Variants in CNNM3 observed in about 807,000 individuals in gnomAD.
CNNM3 encodes cyclin and CBS domain divalent metal cation transport mediator 3.
A neutral mutation model predicts 57.1 loss-of-function variants in CNNM3; 47 were observed. The ratio of observed to expected loss-of-function variants is 0.82; its 90% CI spans 0.65 to 1.05. The LOEUF is 1.05. CNNM3 is among the 50% of genes least tolerant of loss of function. The probability of loss-of-function intolerance (pLI) is 0.00; values close to 1 mark genes in which losing one functional copy is unlikely to be tolerated. For synonymous variants in CNNM3, 507 were observed against 478.2 expected (o/e 1.06, Z -0.79); for missense variants, 957 against 973.7 (o/e 0.98, Z 0.23).
intron 5 of CNNM3, 95 bp from the exon 6 acceptor site, chr2:96,828,472 G>A (rs543448594): frequency 6.0e-4 from 870 of 1,459,486 alleles, no homozygotes; most frequent in Non-Finnish European, 7.2e-4. Flanking sequence ...TGATTGGTGG[G>A]GTGGGTCTTC....
chr2:96,829,219 C>G (rs1222273710), intron 7 of CNNM3, 85 bp downstream of exon 7: 30 of 1,456,308 alleles, frequency 2.1e-5, no homozygotes, highest in Non-Finnish European at 2.7e-5. Context: ...CTCGCCGCCC[C>G]CCCACCCTCT....
Position 96,834,076 on chromosome 2 carries a change from C to G in CNNM3, c.*1460C>G, listed in dbSNP as rs867608116. 6.6e-6 allele frequency among the ~76,000 whole-genome samples: 1 copy of G among 152,112 alleles called. No individual in the cohort carries two copies. The highest frequency in any genetic ancestry group is 2.4e-5 in the African/African-American group (1 of 41,414). The stretch of plus-strand genomic sequence containing the variant: ...GGGATTACAGGTGCCCACCACCACA[C>G]CCGGCTAATTTTTGTATTTTTAGTA... On this transcript the variant is annotated 3_prime_UTR_variant, in exon 8 of 8. Transcript: ENST00000305510.
rs763726101 is a variant in CNNM3, at chr2:96,832,560, C to T, written c.2068C>T (p.His690Tyr). ...TCCCTTGTCTCCTGTAGGGTCCAGC[C>T]ACAGCAGGCCCGGCGTCCCGGTGGA... ...EKTTTAAGSS[H>Y]SRPGVPVEGS... The change falls in exon 8 of 8, where the codon CAC (histidine) becomes TAC (tyrosine). Residue 690 changes from histidine to tyrosine, a missense_variant. Physicochemically the swap from His to Tyr is moderately conservative, Grantham distance 83. Transcript: ENST00000305510. The T allele has an allele frequency of 1.2e-6, 2 of 1,614,224 alleles. No individual in the cohort carries two copies. The highest frequency in any genetic ancestry group is 1.1e-5 in the South Asian group (1 of 91,082).
At chr2:96,829,682 A>G (rs1460773717) in intron 7 of CNNM3, among the ~76,000 whole-genome samples, 3 of 151,632 alleles carry the variant, frequency 2.0e-5, no homozygotes, top group Non-Finnish European at 2.9e-5. Flanking sequence ...ACACCAAACT[A>G]TAGACTAACT....
Position 96,828,300 on chromosome 2 carries a change from CTG to C in CNNM3, c.1786+106_1786+107del, listed in dbSNP as rs1045624269. The C allele has an allele frequency of 7.2e-6, 7 of 971,936 alleles. No homozygotes were observed. The African/African-American group carries it at 8.2e-5, about 11-fold the overall frequency. The allele number at this position is 971,936 out of a possible 1,614,324, so 60.2% of individuals were successfully genotyped here. A position where few individuals can be genotyped will look rare whatever the true frequency, so the allele number is the denominator to read the frequency against. ...TGCCCCTCCTCACCTCTCCTTCCACCTGAGCCCACCACCCCACAAGGTGGTGT... is the reference window on the plus strand; with the variant it reads ...TGCCCCTCCTCACCTCTCCTTCCACCAGCCCACCACCCCACAAGGTGGTGT... On this transcript the variant is annotated intron_variant, in intron 5 of 7. Coordinates refer to ENST00000305510, the MANE Select transcript of CNNM3 (RefSeq NM_017623.5).
intron 1 of CNNM3, among the ~76,000 whole-genome samples, chr2:96,822,161 C>G (rs1290461595): frequency 6.6e-6 from 1 of 151,906 alleles, no homozygotes; most frequent in Admixed American, 6.6e-5. Flanking sequence ...CACCACCACG[C>G]CCAGCTAACT....
Position 96,816,442 on chromosome 2 carries a change from G to A in CNNM3, c.165G>A (p.Arg55=), listed in dbSNP as rs2079317915. 1 of 1,426,800 alleles carries A rather than the reference G, an allele frequency of 7.0e-7. No homozygotes were observed. Among genetic ancestry groups the A allele is most frequent in the South Asian group, 1.5e-5 (1 of 67,868 alleles). The allele number at this position is 1,426,800 out of a possible 1,614,324, so 88.4% of individuals were successfully genotyped here. Residue 55 remains arginine, a synonymous_variant, in exon 1 of 8, where the codon CGG becomes CGA. Coordinates refer to ENST00000305510, the MANE Select transcript of CNNM3 (RefSeq NM_017623.5). ...GTTGGGTACGCGGAGGGGCGGCGCG[G>A]GACACGCCGGACGCCACCTTCCTCC... The part of the protein sequence containing the change: ...GAGWVRGGAA[R]DTPDATFLLR...
intron 1 of CNNM3, among the ~76,000 whole-genome samples, chr2:96,819,741 C>T (rs997962757): frequency 2.0e-5 from 3 of 152,134 alleles, no homozygotes; most frequent in Non-Finnish European, 2.9e-5. Flanking sequence ...TGAGCAGTCA[C>T]CAAGCAGAGA....
At chr2:96,828,017 G>C in intron 4 of CNNM3, 82 bp from the exon 5 acceptor site, 2 of 1,566,388 alleles carry the variant, frequency 1.3e-6, no homozygotes, top group Non-Finnish European at 1.8e-6. Context: ...AACAATTGAG[G>C]TGGTGGGTTT....
chr2:96,819,959 T>G (rs1177033482), intron 1 of CNNM3, among the ~76,000 whole-genome samples: 3 of 152,054 alleles, frequency 2.0e-5, no homozygotes, highest in Admixed American at 2.0e-4. Flanking sequence ...TGGGGAAGAA[T>G]AAAAAATGTT....
Position 96,827,712 on chromosome 2 carries a change from T to G in CNNM3, c.1520-19T>G. The G allele has an allele frequency of 6.2e-7, 1 of 1,603,678 alleles. No homozygotes were observed. Among genetic ancestry groups the G allele is most frequent in the East Asian group, 2.2e-5 (1 of 44,676 alleles). On this transcript the variant is annotated intron_variant, in intron 3 of 7. Transcript: ENST00000305510. ...ACTAGGCCCCAGTGGACACTGTCCC[T>G]TTTTTCCACCACGTGCAGAAGTGGA...
In CNNM3 at chr2:96,816,688, G is replaced by C. The variant is rs1441740889; in HGVS notation, c.411G>C (p.Leu137=). ...AAEEAAPPWA[L]GLGAAGLLAL... is the part of the protein sequence containing the mutation. ...AGGAGGCGGCGCCGCCCTGGGCTCT[G>C]GGCCTGGGGGCGGCCGGGCTGCTGG... The change falls in exon 1 of 8, where the codon CTG becomes CTC. Residue 137 remains leucine (L), a synonymous_variant. Transcript: ENST00000305510. 1 of 1,018,370 alleles carries C rather than the reference G, an allele frequency of 9.8e-7. No homozygotes were observed. The highest frequency in any genetic ancestry group is 1.2e-6 in the Non-Finnish European group (1 of 853,614). 63.1% of individuals were successfully genotyped at this position (1,018,370 alleles called of 1,614,324 possible).
chr2:96,816,963 C>G lies in CNNM3; in HGVS notation c.686C>G (p.Ala229Gly). Residue 229 changes from alanine to glycine, a missense_variant, in exon 1 of 8, where the codon GCG becomes GGG. Around this residue, in one of 2 missense-constraint regions of CNNM3, gnomAD observed 466 missense variants for 403.1 expected, o/e 1.16. Coordinates refer to ENST00000305510, the MANE Select transcript of CNNM3 (RefSeq NM_017623.5). ...QRAVPAVLGSAGLVFLVGEVV... is the reference protein window; with the variant it reads ...QRAVPAVLGSGGLVFLVGEVV... ...GCGGTGCCCGCCGTGTTGGGCAGCG[C>G]GGGGCTCGTGTTCCTGGTGGGAGAG... is the stretch of plus-strand genomic sequence containing the variant. The G allele has an allele frequency of 1.5e-6, 2 of 1,335,844 alleles. No individual in the cohort carries two copies. Among genetic ancestry groups the G allele is most frequent in the Non-Finnish European group, 1.9e-6 (2 of 1,037,310 alleles). 82.7% of individuals were successfully genotyped at this position (1,335,844 alleles called of 1,614,324 possible).
intron 7 of CNNM3, among the ~76,000 whole-genome samples, chr2:96,830,141 C>G (rs1197283190): frequency 3.9e-5 from 6 of 152,176 alleles, no homozygotes; most frequent in Non-Finnish European, 8.8e-5. Context: ...TACTTTAATT[C>G]TGATTGCGTT....
intron 7 of CNNM3, among the ~76,000 whole-genome samples, chr2:96,829,527 C>T (rs990692882): frequency 6.6e-6 from 1 of 151,494 alleles, no homozygotes; most frequent in Admixed American, 6.6e-5. Context: ...TCTTGAACTC[C>T]TGACCTCAGA....
intron 1 of CNNM3, among the ~76,000 whole-genome samples, chr2:96,820,112 T>C (rs1407041219): frequency 2.0e-5 from 3 of 152,184 alleles, no homozygotes; most frequent in Admixed American, 6.5e-5. Flanking sequence ...GTAACAATTG[T>C]GGACACCAGC....
rs2079658852 is a variant in CNNM3, at chr2:96,834,523, T to A, written c.*1907T>A. On this transcript the variant is annotated 3_prime_UTR_variant, in exon 8 of 8. Transcript: ENST00000305510. ...CCACACCCAGCTAATACTTTTAATT[T>A]TTTTTTGTAGAGATAGGGTCTCATT... Among the ~76,000 whole-genome samples, 4 of 151,498 alleles carry A rather than the reference T, an allele frequency of 2.6e-5. No homozygotes were observed. In the South Asian group the frequency reaches 8.3e-4, roughly 31 times the overall value.
chr2:96,824,772 C>T (rs1011590718), intron 1 of CNNM3: 25 of 434,496 alleles, frequency 5.8e-5, no homozygotes, highest in Non-Finnish European at 1.0e-4. Flanking sequence ...CATGGAGGTG[C>T]ACGGACCTGG....
intron 3 of CNNM3, 148 bp from the exon 4 acceptor site, chr2:96,827,583 T>C (rs2079530391): frequency 1.5e-6 from 1 of 684,654 alleles, no homozygotes; most frequent in Admixed American, 2.9e-5. Flanking sequence ...CTAGTTCTCT[T>C]GTGTTGAGGT....
Sources: allele counts gnomAD v4.1 joint callset (sites outside exome capture counted in the v4.1 genomes callset), GRCh38; gene constraint gnomAD v4.1.1; regional missense constraint gnomAD v4.1.1; transcripts MANE v1.5; gene names NCBI Gene and HGNC (gene_info 2026-07-23, HGNC 2026-07-21).